RAPGEF6: variants seen among roughly 807,000 people sequenced by gnomAD.
RAPGEF6 encodes Rap guanine nucleotide exchange factor 6, also known as PDZ domain containing guanine nucleotide exchange factor (GEF) 2.
A neutral mutation model predicts 171.4 loss-of-function variants in RAPGEF6; 56 were observed. The observed-to-expected ratio is 0.33, with a 90% CI of 0.26 to 0.41. RAPGEF6 has a LOEUF of 0.41. Among genes scored for constraint, RAPGEF6 ranks in the 10% least tolerant of loss-of-function variants. The pLI is 1.00. For missense variants in RAPGEF6, 1,674 were observed against 1,921.4 expected, an observed-to-expected ratio of 0.87 and a Z score of 2.41; for synonymous variants, 692 against 650.1, an observed-to-expected ratio of 1.06 and a Z score of -0.98.
intron 1 of RAPGEF6, among the ~76,000 whole-genome samples, chr5:131,630,225 C>A (rs2150043279): frequency 6.6e-6 from 1 of 152,332 alleles, no homozygotes; most frequent in African/African-American, 2.4e-5. Context: ...AGACCCTCCA[C>A]CAGCTAAAAG....
At position 131,516,167 on chromosome 5, in the gene RAPGEF6, C is replaced by T. The variant is rs533785141; in HGVS notation, c.627+5223G>A. ...GCAGTGGTGCGATCTTGGCTCACTG[C>T]ACCTCTGCCTCCTGGGTTCAAGCGA... On this transcript the variant is annotated intron_variant, in intron 7 of 27. Transcript: ENST00000509018. Among the ~76,000 whole-genome samples, 5 of 145,762 alleles carry T rather than the reference C, an allele frequency of 3.4e-5. No homozygotes were observed. The Admixed American group carries it at 3.5e-4, about 10-fold the overall frequency.
intron 21 of RAPGEF6, chr5:131,450,168 A>T: frequency 9.4e-7 from 1 of 1,068,100 alleles, no homozygotes; most frequent in Non-Finnish European, 1.4e-6. Context: ...TTTATCAGGA[A>T]AAAATTACAG....
intron 4 of RAPGEF6, among the ~76,000 whole-genome samples, chr5:131,589,924 TCTG>T (rs2150000753): frequency 6.6e-6 from 1 of 152,266 alleles, no homozygotes; most frequent in African/African-American, 2.4e-5. Context: ...AGTGAATGTC[TCTG>T]CTATTTATTG....
intron 17 of RAPGEF6, among the ~76,000 whole-genome samples, chr5:131,469,360 CTA>C (rs972902370): frequency 6.6e-6 from 1 of 151,768 alleles, no homozygotes; most frequent in African/African-American, 2.4e-5. Context: ...TAATTAAAAA[CTA>C]ATAATAAAAA....
chr5:131,565,313 C>T (rs933943316), intron 4 of RAPGEF6, among the ~76,000 whole-genome samples: 3 of 152,058 alleles, frequency 2.0e-5, no homozygotes, highest in Non-Finnish European at 2.9e-5. Flanking sequence ...AAAATACACA[C>T]AAGACTTCTA....
chr5:131,506,745 C>G (rs1006546737), intron 9 of RAPGEF6, among the ~76,000 whole-genome samples: 5 of 152,002 alleles, frequency 3.3e-5, no homozygotes, highest in African/African-American at 7.2e-5. Flanking sequence ...AGTAGGCATA[C>G]AACAAATTTT....
intron 1 of RAPGEF6, among the ~76,000 whole-genome samples, chr5:131,627,433 G>C (rs1434337406): frequency 6.6e-6 from 1 of 152,174 alleles, no homozygotes; most frequent in African/African-American, 2.4e-5. Context: ...TTTACAAAAT[G>C]TATTTCCAAA....
chr5:131,558,234 T>TC (rs1761365162), intron 5 of RAPGEF6, among the ~76,000 whole-genome samples: 3 of 150,588 alleles, frequency 2.0e-5, no homozygotes, highest in African/African-American at 2.5e-5. Flanking sequence ...TTTTTTTTTT[T>TC]CCAAGGAATT....
rs1561452824 is a variant in RAPGEF6, at chr5:131,425,046, TACATAAC to T, written c.*2213_*2219del. ...ACCTCATGATTTTTTAAGGGATACA[TACATAAC>T]AAACTACAAAGCATTTGGCTTTGGC... On this transcript the variant is annotated 3_prime_UTR_variant, in exon 28 of 28. Coordinates refer to ENST00000509018, the MANE Select transcript of RAPGEF6 (RefSeq NM_016340.6). The T allele has an allele frequency of 6.6e-6, 1 of 152,310 alleles. No homozygotes were observed. Among genetic ancestry groups the T allele is most frequent in the Non-Finnish European group, 1.5e-5 (1 of 68,020 alleles). The allele number at this position is 152,310 out of a possible 1,614,324, so 9.4% of individuals were successfully genotyped here. A position where few individuals can be genotyped will look rare whatever the true frequency, so the allele number is the denominator to read the frequency against.
intron 7 of RAPGEF6, 73 bp downstream of exon 7, chr5:131,521,317 C>T: frequency 7.0e-7 from 1 of 1,426,858 alleles, no homozygotes; most frequent in Non-Finnish European, 9.4e-7. Context: ...TGTTAACCAT[C>T]TAAGGCACAA....
At chr5:131,517,226 C>T (rs1481246385) in intron 7 of RAPGEF6, among the ~76,000 whole-genome samples, 2 of 151,954 alleles carry the variant, frequency 1.3e-5, no homozygotes, top group East Asian at 1.9e-4. Context: ...ACGCAATATA[C>T]TATGTAAGAA....
chr5:131,521,080 A>G (rs1758444205), intron 7 of RAPGEF6, among the ~76,000 whole-genome samples: 1 of 152,218 alleles, frequency 6.6e-6, no homozygotes, highest in Non-Finnish European at 1.5e-5. Context: ...TATAAGTTTA[A>G]GTTCAGTTAT....
chr5:131,555,895 C>T (rs1346304739), intron 5 of RAPGEF6, among the ~76,000 whole-genome samples: 1 of 152,120 alleles, frequency 6.6e-6, no homozygotes, highest in Admixed American at 6.5e-5. Context: ...ATAGAGTGCA[C>T]TTACACATAG....
intron 2 of RAPGEF6, among the ~76,000 whole-genome samples, chr5:131,603,894 G>A (rs547266953): frequency 4.5e-4 from 69 of 152,038 alleles, no homozygotes; most frequent in African/African-American, 1.6e-3. Flanking sequence ...GAAACTTGAT[G>A]AAAACCCAGG....
At chr5:131,584,498 G>C (rs1006982120) in intron 4 of RAPGEF6, among the ~76,000 whole-genome samples, 1 of 152,128 alleles carries the variant, frequency 6.6e-6, no homozygotes. Context: ...GCTAATGAAA[G>C]AAAGACCACC....
At chr5:131,500,906 G>GAATA (rs994052631) in intron 11 of RAPGEF6, among the ~76,000 whole-genome samples, 4 of 151,796 alleles carry the variant, frequency 2.6e-5, no homozygotes, top group African/African-American at 9.7e-5. Context: ...TGAACTGAAT[G>GAATA]AAGAAATGAA....
At chr5:131,465,107 T>C (rs565189656) in intron 17 of RAPGEF6, among the ~76,000 whole-genome samples, 1 of 152,270 alleles carries the variant, frequency 6.6e-6, no homozygotes, top group African/African-American at 2.4e-5. Flanking sequence ...TCCTGCTGTA[T>C]TGTAGTAGAT....
chr5:131,547,960 G>T, intron 6 of RAPGEF6, 87 bp downstream of exon 6: 1 of 1,418,648 alleles, frequency 7.0e-7, no homozygotes. Context: ...AGCCCAGCAT[G>T]TTGATATTAC....
chr5:131,428,830 AT>A, intron 27 of RAPGEF6, 71 bp downstream of exon 27: 4 of 1,415,712 alleles, frequency 2.8e-6, no homozygotes, highest in Non-Finnish European at 3.9e-6. Context: ...TTACCATAAA[AT>A]ACCAAAGTAA....
Sources: allele counts gnomAD v4.1 joint callset (sites outside exome capture counted in the v4.1 genomes callset), GRCh38; gene constraint gnomAD v4.1.1; transcripts MANE v1.5; gene names NCBI Gene and HGNC (gene_info 2026-07-23, HGNC 2026-07-21).